Variants in FILIP1L observed in about 807,000 individuals in gnomAD.
FILIP1L encodes the protein filamin A-interacting protein 1-like.
In FILIP1L, 55 loss-of-function variants were observed where a neutral mutation model predicts 96.6. The observed-to-expected ratio is 0.57, with a 90% CI of 0.46 to 0.71. The LOEUF (loss-of-function observed/expected upper bound fraction) is 0.71. Among genes scored for constraint, FILIP1L ranks in the 30% least tolerant of loss-of-function variants. The probability of loss-of-function intolerance (pLI) is 0.00; values close to 1 mark genes in which losing one functional copy is unlikely to be tolerated. For synonymous variants in FILIP1L, 467 were observed against 473.9 expected (o/e 0.99, Z 0.19); for missense variants, 1,304 against 1,321.2 (o/e 0.99, Z 0.20).
intron 4 of FILIP1L, among the ~76,000 whole-genome samples, chr3:99,874,638 C>CA (rs1489841015): frequency 6.6e-6 from 1 of 151,880 alleles, no homozygotes; most frequent in East Asian, 1.9e-4. Context: ...TTAGCAAAAA[C>CA]AAAAAAACTG....
intron 1 of FILIP1L, among the ~76,000 whole-genome samples, chr3:100,084,796 A>C (rs1009243572): frequency 6.6e-6 from 1 of 152,238 alleles, no homozygotes; most frequent in Non-Finnish European, 1.5e-5. Flanking sequence ...TCATATTATC[A>C]TCTCAGAGCT....
intron 1 of FILIP1L, among the ~76,000 whole-genome samples, chr3:100,017,511 C>G (rs1341819878): frequency 1.3e-5 from 2 of 152,198 alleles, no homozygotes; most frequent in Non-Finnish European, 2.9e-5. Flanking sequence ...AGAGTAAGCA[C>G]CATAGTAACC....
intron 1 of FILIP1L, among the ~76,000 whole-genome samples, chr3:100,093,898 A>G (rs534080264): frequency 6.6e-6 from 1 of 152,260 alleles, no homozygotes; most frequent in Non-Finnish European, 1.5e-5. Flanking sequence ...TTTTTTGGCT[A>G]TTACAAATAA....
At chr3:99,832,120 T>G (rs1470081896) in intron 5 of FILIP1L, among the ~76,000 whole-genome samples, 1 of 152,192 alleles carries the variant, frequency 6.6e-6, no homozygotes, top group Non-Finnish European at 1.5e-5. Flanking sequence ...ACCATTGATG[T>G]GCAAGCTTTT....
At chr3:99,978,540 GGA>G (rs1424483841) in intron 1 of FILIP1L, among the ~76,000 whole-genome samples, 4 of 152,160 alleles carry the variant, frequency 2.6e-5, no homozygotes, top group Non-Finnish European at 4.4e-5. Flanking sequence ...AGGCACAGAA[GGA>G]TGAACACACC....
intron 1 of FILIP1L, among the ~76,000 whole-genome samples, chr3:99,980,150 C>T (rs1709080003): frequency 6.6e-6 from 1 of 152,056 alleles, no homozygotes; most frequent in Non-Finnish European, 1.5e-5. Flanking sequence ...TGCAGTAGTA[C>T]CTTAGAGCTC....
chr3:99,900,850 T>G (rs1013847581), intron 4 of FILIP1L, among the ~76,000 whole-genome samples: 1 of 152,194 alleles, frequency 6.6e-6, no homozygotes, highest in African/African-American at 2.4e-5. Flanking sequence ...TCTCTGGTGA[T>G]TCTTACATGT....
intron 4 of FILIP1L, among the ~76,000 whole-genome samples, chr3:99,892,687 A>G (rs947599081): frequency 1.3e-5 from 2 of 152,186 alleles, no homozygotes; most frequent in Non-Finnish European, 2.9e-5. Flanking sequence ...GGAGCCAGTA[A>G]GCCTTTCCCA....
chr3:100,060,970 A>C (rs1041013739), intron 1 of FILIP1L, among the ~76,000 whole-genome samples: 1 of 152,174 alleles, frequency 6.6e-6, no homozygotes, highest in Non-Finnish European at 1.5e-5. Flanking sequence ...CCACATCCTC[A>C]TTAACCGCAC....
chr3:100,094,540 G>T (rs890748737), intron 1 of FILIP1L, among the ~76,000 whole-genome samples: 3 of 151,972 alleles, frequency 2.0e-5, no homozygotes, highest in Admixed American at 2.0e-4. Flanking sequence ...TTTTCTAAGA[G>T]AATTTTATGT....
chr3:99,997,272 G>A (rs1369674899), intron 1 of FILIP1L, among the ~76,000 whole-genome samples: 2 of 152,096 alleles, frequency 1.3e-5, no homozygotes, highest in Non-Finnish European at 2.9e-5. Context: ...ATAAAAGGAG[G>A]CATTTTTTAC....
intron 4 of FILIP1L, among the ~76,000 whole-genome samples, chr3:99,903,312 C>T (rs990627491): frequency 2.6e-5 from 4 of 151,522 alleles, no homozygotes; most frequent in African/African-American, 7.3e-5. Context: ...AGTGCAGTGG[C>T]GTGATCTCAG....
intron 3 of FILIP1L, among the ~76,000 whole-genome samples, chr3:99,927,197 A>G (rs1035382932): frequency 6.6e-6 from 1 of 152,182 alleles, no homozygotes; most frequent in Non-Finnish European, 1.5e-5. Context: ...TTCCCTATAC[A>G]TGAGCTTTTC....
chr3:99,943,426 G>A (rs961790814), intron 1 of FILIP1L, among the ~76,000 whole-genome samples: 20 of 152,122 alleles, frequency 1.3e-4, no homozygotes, highest in African/African-American at 4.1e-4. Context: ...AAATCTTGCC[G>A]GGTATGGTGG....
intron 4 of FILIP1L, among the ~76,000 whole-genome samples, chr3:99,899,903 A>C (rs1215403526): frequency 6.6e-6 from 1 of 152,142 alleles, no homozygotes; most frequent in Non-Finnish European, 1.5e-5. Context: ...AAGTGCTTAG[A>C]GTAGGGCTTA....
At chr3:100,054,998 T>C (rs1292435769) in intron 1 of FILIP1L, among the ~76,000 whole-genome samples, 1 of 152,204 alleles carries the variant, frequency 6.6e-6, no homozygotes, top group African/African-American at 2.4e-5. Context: ...TGGGCCTTCT[T>C]GCTGATCATC....
intron 4 of FILIP1L, among the ~76,000 whole-genome samples, chr3:99,879,717 T>G (rs1243281311): frequency 6.6e-6 from 1 of 152,248 alleles, no homozygotes; most frequent in Non-Finnish European, 1.5e-5. Context: ...GAGATGGTAA[T>G]GCTAACTTTG....
chr3:100,003,280 C>T (rs1340976437), intron 1 of FILIP1L, among the ~76,000 whole-genome samples: 1 of 152,192 alleles, frequency 6.6e-6, no homozygotes, highest in Non-Finnish European at 1.5e-5. Flanking sequence ...CACATTGACT[C>T]AGTCAAACCA....
chr3:99,972,665 G>A (rs1168634190), intron 1 of FILIP1L, among the ~76,000 whole-genome samples: 1 of 152,158 alleles, frequency 6.6e-6, no homozygotes, highest in African/African-American at 2.4e-5. Context: ...ACCCTGTTGG[G>A]AAAGATTGAA....
Sources: gnomAD v4.1 joint callset for allele counts (sites outside exome capture counted in the v4.1 genomes callset) on GRCh38, gnomAD v4.1.1 for gene constraint, MANE v1.5 for transcripts, NCBI Gene and HGNC (gene_info 2026-07-23, HGNC 2026-07-21) for gene names.